SIX4: variants seen among roughly 807,000 people sequenced by gnomAD.
SIX4 encodes homeobox protein SIX4.
A neutral mutation model predicts 51.5 loss-of-function variants in SIX4; 23 were observed. That is an observed-to-expected ratio of 0.45 (90% CI 0.32 to 0.63). The LOEUF (loss-of-function observed/expected upper bound fraction) is 0.63. Among genes scored for constraint, SIX4 ranks in the 30% least tolerant of loss-of-function variants. SIX4 has a pLI of 0.04. For missense variants in SIX4, 867 were observed against 984.0 expected (o/e 0.88, Z 1.59); for synonymous variants, 413 against 417.3 (o/e 0.99, Z 0.13).
rs1896098548 is a variant in SIX4, at chr14:60,724,293, A to G, written c.-219T>C. On this transcript the variant is annotated 5_prime_UTR_variant, in exon 1 of 3. Transcript: ENST00000216513. Reference sequence around the variant, plus strand: ...TGTTAGAGCAAAGTAGTGTAAACGGATAGCTGCTTTCTGCCGTTCCCCCAA... The same window carrying G: ...TGTTAGAGCAAAGTAGTGTAAACGGGTAGCTGCTTTCTGCCGTTCCCCCAA... 2.6e-6 allele frequency: 4 copies of G among 1,524,110 alleles called. No individual in the cohort carries two copies. The African/African-American group carries it at 4.1e-5, about 16-fold the overall frequency. 94.4% of individuals were successfully genotyped at this position (1,524,110 alleles called of 1,614,324 possible). A position where few individuals can be genotyped will look rare whatever the true frequency, so the allele number is the denominator to read the frequency against.
Position 60,724,291 on chromosome 14 carries a change from GGATA to G in SIX4, c.-221_-218del. 1 of 1,526,024 alleles carries G rather than the reference GGATA, an allele frequency of 6.6e-7. No individual in the cohort carries two copies. Among genetic ancestry groups the G allele is most frequent in the Non-Finnish European group, 8.8e-7 (1 of 1,140,862 alleles). 94.5% of individuals were successfully genotyped at this position (1,526,024 alleles called of 1,614,324 possible). ...GCTGTTAGAGCAAAGTAGTGTAAAC[GGATA>G]GCTGCTTTCTGCCGTTCCCCCAACG... On this transcript the variant is annotated 5_prime_UTR_variant, in exon 1 of 3. The change abolishes the stop of an existing upstream ORF in the 5' untranslated region. Coordinates refer to ENST00000216513, the MANE Select transcript of SIX4 (RefSeq NM_017420.5).
At position 60,723,960 on chromosome 14, in the gene SIX4, C is replaced by G; in HGVS notation, c.115G>C (p.Ala39Pro). ...GCCGGGGGGCTCAGCCCTACCGCCGCGCCCCCCGCCACTTCTCGGTGCGCC... is the reference window on the plus strand; with the variant it reads ...GCCGGGGGGCTCAGCCCTACCGCCGGGCCCCCCGCCACTTCTCGGTGCGCC... The part of the protein sequence containing the change: ...QEAHREVAGG[A>P]AVGLSPPAPA... The change falls in exon 1 of 3, where the codon GCG becomes CCG. Residue 39 changes from alanine (A) to proline (P), a missense_variant. Physicochemically the swap from Ala to Pro is conservative, Grantham distance 27. Coordinates refer to ENST00000216513, the MANE Select transcript of SIX4 (RefSeq NM_017420.5). 2 of 1,508,984 alleles carry G rather than the reference C, an allele frequency of 1.3e-6. No homozygotes were observed. The highest frequency in any genetic ancestry group is 8.8e-7 in the Non-Finnish European group (1 of 1,134,174). The allele number at this position is 1,508,984 out of a possible 1,614,324, so 93.5% of individuals were successfully genotyped here. A position where few individuals can be genotyped will look rare whatever the true frequency, so the allele number is the denominator to read the frequency against.
In SIX4 at chr14:60,722,059, T is replaced by A. The variant is rs951333201; in HGVS notation, c.863+1153A>T. Among the ~76,000 whole-genome samples, 1 of 152,108 alleles carries A rather than the reference T, an allele frequency of 6.6e-6. No homozygotes were observed. Among genetic ancestry groups the A allele is most frequent in the Non-Finnish European group, 1.5e-5 (1 of 67,996 alleles). On this transcript the variant is annotated intron_variant, in intron 1 of 2. Coordinates refer to ENST00000216513, the MANE Select transcript of SIX4 (RefSeq NM_017420.5). The surrounding 1 kb of genome is among the most constrained non-coding windows in gnomAD (Gnocchi z 5.9). The stretch of plus-strand genomic sequence containing the variant: ...GCTCTGGAATGCGCTGGTGATCACC[T>A]TCACCTGGCGCAGGCGGGCTGGATC...
chr14:60,724,347 A>T lies in SIX4; in HGVS notation c.-273T>A. On this transcript the variant is annotated 5_prime_UTR_variant, in exon 1 of 3. Coordinates refer to ENST00000216513, the MANE Select transcript of SIX4 (RefSeq NM_017420.5). Reference sequence around the variant, plus strand: ...GACTCCTCCGGTTGCTGCATACTATATGGCAGTGGCGGCCGGGCCGGCCCG... The same window carrying T: ...GACTCCTCCGGTTGCTGCATACTATTTGGCAGTGGCGGCCGGGCCGGCCCG... 2 of 1,388,744 alleles carry T rather than the reference A, an allele frequency of 1.4e-6. No individual in the cohort carries two copies. Among genetic ancestry groups the T allele is most frequent in the Non-Finnish European group, 9.5e-7 (1 of 1,049,306 alleles). The allele number at this position is 1,388,744 out of a possible 1,614,324, so 86.0% of individuals were successfully genotyped here. A position where few individuals can be genotyped will look rare whatever the true frequency, so the allele number is the denominator to read the frequency against.
Position 60,724,141 on chromosome 14 carries a change from C to T in SIX4, c.-67G>A. The T allele has an allele frequency of 5.0e-6, 8 of 1,607,252 alleles. No individual in the cohort carries two copies. The highest frequency in any genetic ancestry group is 1.7e-5 in the Admixed American group (1 of 59,744). On this transcript the variant is annotated 5_prime_UTR_variant, in exon 1 of 3. Coordinates refer to ENST00000216513, the MANE Select transcript of SIX4 (RefSeq NM_017420.5). ...TCTTTTCCTCTTTCTTTCCTCCTCT[C>T]TTACTCCTCCTCCTTCGTCTCCCTC...
Position 60,723,357 on chromosome 14 carries a change from C to T in SIX4, c.718G>A (p.Glu240Lys), listed in dbSNP as rs912482856. Reference sequence around the variant, plus strand: ...GGGTAGCGATTCTGCTTGTAGAGCTCCTTGAGCGCGTTGCGCGACTTCTCC... The same window carrying T: ...GGGTAGCGATTCTGCTTGTAGAGCTTCTTGAGCGCGTTGCGCGACTTCTCC... ...FKEKSRNALK[E>K]LYKQNRYPSP... The change falls in exon 1 of 3, where the codon GAG becomes AAG. Residue 240 changes from glutamate (E) to lysine (K), a missense_variant. Glu to Lys is a moderately conservative substitution (Grantham distance 56, BLOSUM62 1). Transcript: ENST00000216513. 6.2e-7 allele frequency: 1 copy of T among 1,612,382 alleles called. No individual in the cohort carries two copies. The highest frequency in any genetic ancestry group is 8.5e-7 in the Non-Finnish European group (1 of 1,179,972).
At chr14:60,723,108 T>G (rs1594701567) in intron 1 of SIX4, 104 bp downstream of exon 1, 2 of 1,400,226 alleles carry the variant, frequency 1.4e-6, no homozygotes, top group Non-Finnish European at 9.2e-7. Flanking sequence ...CGGACCAGGC[T>G]GGTGGGGAAG....
Position 60,723,485 on chromosome 14 carries a change from G to A in SIX4, c.590C>T (p.Ala197Val), listed in dbSNP as rs1341233558. ...YKARYTEAERARGRPLGAVDK... is the reference protein window; with the variant it reads ...YKARYTEAERVRGRPLGAVDK... ...TACGGCTCCCAGCGGCCGGCCGCGGGCTCGCTCGGCCTCGGTGTAGCGCGC... is the reference window on the plus strand; with the variant it reads ...TACGGCTCCCAGCGGCCGGCCGCGGACTCGCTCGGCCTCGGTGTAGCGCGC... Residue 197 changes from alanine to valine, a missense_variant, in exon 1 of 3, where the codon GCC (alanine) becomes GTC (valine). Transcript: ENST00000216513. 3.1e-6 allele frequency: 5 copies of A among 1,606,512 alleles called. No homozygotes were observed. In the South Asian group the frequency reaches 4.4e-5, roughly 14 times the overall value.
chr14:60,715,244 G>A (rs913493357), intron 2 of SIX4, among the ~76,000 whole-genome samples: 5 of 152,142 alleles, frequency 3.3e-5, no homozygotes, highest in African/African-American at 9.7e-5. Flanking sequence ...CTGCCAGTTA[G>A]AATTAGAAAA....
In SIX4 at chr14:60,717,332, A is replaced by G. The variant is rs1300314158; in HGVS notation, c.1549+2428T>C. On this transcript the variant is annotated intron_variant, in intron 2 of 2. Coordinates refer to ENST00000216513, the MANE Select transcript of SIX4 (RefSeq NM_017420.5). The surrounding 1 kb of genome is among the most constrained non-coding windows in gnomAD (Gnocchi z 4.6). ...GGTGATCCACCCGCCTTAGCCTCCT[A>G]AAGTGCTGGGATTAACAGGCGTAAG... Among the ~76,000 whole-genome samples the G allele has an allele frequency of 6.6e-6, 1 of 152,150 alleles. No individual in the cohort carries two copies. Among genetic ancestry groups the G allele is most frequent in the African/African-American group, 2.4e-5 (1 of 41,450 alleles).
rs1895855531 is a variant in SIX4, at chr14:60,713,319, C to T, written c.*88G>A. The stretch of plus-strand genomic sequence containing the variant: ...TATACTTGCAAAACTAGAGTGTTTT[C>T]CTTTAAATGGGAAAATGTTTTGTGT... On this transcript the variant is annotated 3_prime_UTR_variant, in exon 3 of 3. Transcript: ENST00000216513. 9 of 1,415,184 alleles carry T rather than the reference C, an allele frequency of 6.4e-6. No individual in the cohort carries two copies. In the South Asian group the frequency reaches 9.9e-5, roughly 16 times the overall value. The allele number at this position is 1,415,184 out of a possible 1,614,324, so 87.7% of individuals were successfully genotyped here. A position where few individuals can be genotyped will look rare whatever the true frequency, so the allele number is the denominator to read the frequency against.
intron 1 of SIX4, among the ~76,000 whole-genome samples, chr14:60,721,576 G>A (rs1896020276): frequency 6.6e-6 from 1 of 151,612 alleles, no homozygotes; most frequent in Admixed American, 6.6e-5. Flanking sequence ...AGGTAGATCC[G>A]GAGAGGGGCC....
At position 60,723,392 on chromosome 14, in the gene SIX4, T is replaced by C. The variant is rs769882285; in HGVS notation, c.683A>G (p.Tyr228Cys). 6 of 1,611,608 alleles carry C rather than the reference T, an allele frequency of 3.7e-6. No homozygotes were observed. The change falls in exon 1 of 3, where the codon TAT (tyrosine) becomes TGT (cysteine). Residue 228 changes from tyrosine to cysteine, a missense_variant. Physicochemically the swap from Tyr to Cys is radical, Grantham distance 194 (BLOSUM62 -2). Transcript: ENST00000216513. ...RTIWDGEETV[Y>C]CFKEKSRNAL... ...GTTGCGCGACTTCTCCTTGAAACAA[T>C]ACACCGTCTCCTCGCCGTCCCAGAT...
At chr14:60,714,885 C>G (rs1197246414) in intron 2 of SIX4, among the ~76,000 whole-genome samples, 1 of 150,416 alleles carries the variant, frequency 6.6e-6, no homozygotes, top group Non-Finnish European at 1.5e-5. Flanking sequence ...AGGATAGTCT[C>G]AATCTCTTGA....
In SIX4 at chr14:60,722,956, G is replaced by A. The variant is rs1896052575; in HGVS notation, c.863+256C>T. 1.4e-5 allele frequency: 8 copies of A among 579,710 alleles called. No homozygotes were observed. Among genetic ancestry groups the A allele is most frequent in the Non-Finnish European group, 2.3e-5 (8 of 353,538 alleles). The allele number at this position is 579,710 out of a possible 1,614,324, so 35.9% of individuals were successfully genotyped here. ...AGTGACCAGCCGAGGTGGGGGCGGG[G>A]ACTGAGACCTAGGCGGGCGACCAGA... On this transcript the variant is annotated intron_variant, in intron 1 of 2. Transcript: ENST00000216513. This position sits in a 1 kb window ranked among gnomAD's most constrained non-coding sequence, Gnocchi z 5.9.
intron 1 of SIX4, among the ~76,000 whole-genome samples, chr14:60,721,358 G>A (rs1896015295): frequency 6.6e-6 from 1 of 152,184 alleles, no homozygotes; most frequent in Non-Finnish European, 1.5e-5. Context: ...CAGAACAGAG[G>A]CGTTTTGGAA....
Position 60,723,815 on chromosome 14 carries a change from T to G in SIX4, c.260A>C (p.His87Pro), listed in dbSNP as rs556072917. 3.2e-6 allele frequency: 5 copies of G among 1,538,748 alleles called. No homozygotes were observed. In the South Asian group the frequency reaches 5.9e-5, roughly 18 times the overall value. The change falls in exon 1 of 3, where the codon CAC becomes CCC. Residue 87 changes from histidine to proline, a missense_variant. Physicochemically the swap from His to Pro is moderately conservative, Grantham distance 77. Coordinates refer to ENST00000216513, the MANE Select transcript of SIX4 (RefSeq NM_017420.5). ...GTGGTGCCTGCCCAGAAGTTCCGAG[T>G]GGAGTTGTACCTGATCCGCCGCCGC... is the stretch of plus-strand genomic sequence containing the variant. ...AGAAADQVQL[H>P]SELLGRHHHA...
In SIX4 at chr14:60,724,080, G is replaced by T. The variant is rs371651828; in HGVS notation, c.-6C>A. On this transcript the variant is annotated 5_prime_UTR_variant, in exon 1 of 3. Coordinates refer to ENST00000216513, the MANE Select transcript of SIX4 (RefSeq NM_017420.5). ...GTGGGGGAGGAAGAGGACATTTTTT[G>T]TTGTTTATTTTCCTCCCTCCCTCAC... The T allele has an allele frequency of 6.1e-5, 95 of 1,550,288 alleles. No homozygotes were observed. The highest frequency in any genetic ancestry group is 6.9e-5 in the Non-Finnish European group (79 of 1,147,712).
Position 60,724,150 on chromosome 14 carries a change from C to G in SIX4, c.-76G>C. ...CTTTCTTTCCTCCTCTCTTACTCCT[C>G]CTCCTTCGTCTCCCTCCCTCCTCTC... On this transcript the variant is annotated 5_prime_UTR_variant, in exon 1 of 3. Transcript: ENST00000216513. 6.2e-7 allele frequency: 1 copy of G among 1,605,252 alleles called. No individual in the cohort carries two copies. Among genetic ancestry groups the G allele is most frequent in the Non-Finnish European group, 8.5e-7 (1 of 1,178,088 alleles).
Sources: allele counts gnomAD v4.1 joint callset (sites outside exome capture counted in the v4.1 genomes callset), GRCh38; gene constraint gnomAD v4.1.1; non-coding constraint Gnocchi (gnomAD v3.1); transcripts MANE v1.5; gene names NCBI Gene and HGNC (gene_info 2026-07-23, HGNC 2026-07-21).